The following KHDRBS2 variants were observed in gnomAD, a reference collection of about 807,000 sequenced individuals.
KHDRBS2 encodes KH RNA binding domain containing, signal transduction associated 2.
In KHDRBS2, 26 loss-of-function variants were observed where a neutral mutation model predicts 44.3. The observed-to-expected ratio is 0.59, with a 90% CI of 0.43 to 0.81. KHDRBS2 has a LOEUF of 0.81. Among genes scored for constraint, KHDRBS2 ranks in the 40% least tolerant of loss-of-function variants. The pLI is 0.00. For synonymous variants in KHDRBS2, 194 were observed against 151.1 expected (o/e 1.28, Z -2.08); for missense variants, 476 against 433.1 (o/e 1.10, Z -0.88).
intron 1 of KHDRBS2, among the ~76,000 whole-genome samples, chr6:62,218,585 A>G (rs1830394246): frequency 1.3e-5 from 2 of 151,908 alleles, no homozygotes; most frequent in Admixed American, 1.3e-4. Flanking sequence ...TTAAAGAGGT[A>G]TGTTATAAAT....
At chr6:61,833,094 AC>A (rs1056816348) in intron 6 of KHDRBS2, among the ~76,000 whole-genome samples, 14 of 152,326 alleles carry the variant, frequency 9.2e-5, no homozygotes, top group Non-Finnish European at 1.5e-4. Context: ...TCTATAAAAC[AC>A]CATGACTTTT....
At chr6:61,801,312 C>T (rs1786232645) in intron 6 of KHDRBS2, among the ~76,000 whole-genome samples, 1 of 151,668 alleles carries the variant, frequency 6.6e-6, no homozygotes, top group Non-Finnish European at 1.5e-5. Context: ...ACTTGGAGAA[C>T]AGAATATAGT....
chr6:62,050,534 G>A (rs1453062688), intron 2 of KHDRBS2, among the ~76,000 whole-genome samples: 1 of 151,686 alleles, frequency 6.6e-6, no homozygotes, highest in Non-Finnish European at 1.5e-5. Flanking sequence ...CCTTACCTCT[G>A]AAAAATGACT....
At chr6:61,580,738 C>T in the KHDRBS2 span, among the ~76,000 whole-genome samples, 11 of 151,904 alleles carry the variant, frequency 7.2e-5, no homozygotes, top group Non-Finnish European at 1.3e-4. Flanking sequence ...TGAAGGTCTG[C>T]GGCTTCATTC....
chr6:61,692,397 G>C (rs1767466811), intron 8 of KHDRBS2, among the ~76,000 whole-genome samples: 1 of 151,588 alleles, frequency 6.6e-6, no homozygotes. Context: ...ATATTTATAA[G>C]ATAATTATAT....
chr6:62,191,081 A>T (rs1308687595), intron 1 of KHDRBS2, among the ~76,000 whole-genome samples: 10 of 152,144 alleles, frequency 6.6e-5, no homozygotes, highest in Admixed American at 1.3e-4. Flanking sequence ...GGAGTATGGT[A>T]TCTGAACTGT....
chr6:62,259,822 C>A (rs1434774028), intron 1 of KHDRBS2, among the ~76,000 whole-genome samples: 1 of 151,906 alleles, frequency 6.6e-6, no homozygotes, highest in Admixed American at 6.6e-5. Context: ...CAATAAAGCA[C>A]AAATAAAAAG....
intron 8 of KHDRBS2, among the ~76,000 whole-genome samples, chr6:61,692,192 T>A (rs1319975648): frequency 2.6e-5 from 4 of 152,166 alleles, no homozygotes; most frequent in Non-Finnish European, 4.4e-5. Flanking sequence ...TTCTGACTCA[T>A]CTGAAACAAT....
chr6:62,251,856 T>C (rs1294415379), intron 1 of KHDRBS2, among the ~76,000 whole-genome samples: 1 of 151,572 alleles, frequency 6.6e-6, no homozygotes, highest in Admixed American at 6.6e-5. Flanking sequence ...TATTAAAAAA[T>C]AGTAAATGTA....
chr6:61,818,567 T>C (rs1294792798), intron 6 of KHDRBS2, among the ~76,000 whole-genome samples: 1 of 151,930 alleles, frequency 6.6e-6, no homozygotes, highest in Non-Finnish European at 1.5e-5. Context: ...CTAGAAGAAA[T>C]GCACTTCAAG....
chr6:61,761,020 A>C (rs528961810), intron 6 of KHDRBS2, among the ~76,000 whole-genome samples: 1 of 152,350 alleles, frequency 6.6e-6, no homozygotes, highest in African/African-American at 2.4e-5. Context: ...AAAGGTATTG[A>C]AAATGAAATT....
chr6:61,709,139 C>G (rs1458914434), intron 7 of KHDRBS2, among the ~76,000 whole-genome samples: 1 of 151,586 alleles, frequency 6.6e-6, no homozygotes, highest in Non-Finnish European at 1.5e-5. Flanking sequence ...TATTTGTCAA[C>G]TCAGTAAACA....
intron 4 of KHDRBS2, among the ~76,000 whole-genome samples, chr6:61,908,382 C>A (rs1805417206): frequency 6.6e-6 from 1 of 151,762 alleles, no homozygotes; most frequent in Non-Finnish European, 1.5e-5. Flanking sequence ...TACTTGTAAT[C>A]CCAGCACTTT....
chr6:61,827,339 G>A (rs1231282638), intron 6 of KHDRBS2, among the ~76,000 whole-genome samples: 1 of 152,180 alleles, frequency 6.6e-6, no homozygotes. Flanking sequence ...AAGTAGGGAT[G>A]TGAGTGTTGC....
At chr6:61,551,439 C>T in the KHDRBS2 span, among the ~76,000 whole-genome samples, 2 of 152,046 alleles carry the variant, frequency 1.3e-5, no homozygotes, top group African/African-American at 4.8e-5. Context: ...AAATCTTTTT[C>T]CATTCCTATT....
intron 2 of KHDRBS2, among the ~76,000 whole-genome samples, chr6:62,061,026 G>A (rs1447004121): frequency 6.6e-6 from 1 of 151,744 alleles, no homozygotes; most frequent in East Asian, 2.0e-4. Context: ...CATTTGCTTG[G>A]TAGATCTTCC....
chr6:62,113,771 G>A (rs151217667), intron 2 of KHDRBS2, among the ~76,000 whole-genome samples: 1 of 152,048 alleles, frequency 6.6e-6, no homozygotes, highest in East Asian at 1.9e-4. Context: ...TTTACTAACA[G>A]GGAATTTACA....
intron 6 of KHDRBS2, among the ~76,000 whole-genome samples, chr6:61,803,328 T>A (rs766022895): frequency 6.6e-6 from 1 of 152,154 alleles, no homozygotes; most frequent in Non-Finnish European, 1.5e-5. Context: ...AGAGAGGGAC[T>A]GAATGGTTAT....
chr6:62,160,075 G>C (rs1817304649), intron 2 of KHDRBS2, among the ~76,000 whole-genome samples: 1 of 152,054 alleles, frequency 6.6e-6, no homozygotes, highest in East Asian at 1.9e-4. Flanking sequence ...TAAGTGAGTG[G>C]GATACACGAG....
Sources: allele counts gnomAD v4.1 joint callset (sites outside exome capture counted in the v4.1 genomes callset), GRCh38; gene constraint gnomAD v4.1.1; transcripts MANE v1.5; gene names NCBI Gene and HGNC (gene_info 2026-07-23, HGNC 2026-07-21).